Variants in PIAS4 observed in about 807,000 individuals in gnomAD.
The protein encoded by PIAS4 is E3 SUMO-protein ligase PIAS4.
Under a neutral mutation model 58.0 loss-of-function variants are expected in PIAS4, and 7 were observed. That is an observed-to-expected ratio of 0.12 (90% confidence interval 0.07 to 0.23). PIAS4 has a LOEUF of 0.23. Ranked by LOEUF, PIAS4 falls within the 10% of genes least tolerant of loss-of-function variation. The pLI is 1.00. For missense variants in PIAS4, 550 were observed against 709.5 expected (o/e 0.78, Z 2.55); for synonymous variants, 364 against 312.4 (o/e 1.17, Z -1.74).
At chr19:4,033,683 G>C (rs1445216838) in intron 9 of PIAS4, 103 bp downstream of exon 9, 1 of 942,868 alleles carries the variant, frequency 1.1e-6, no homozygotes, top group African/African-American at 1.6e-5. Flanking sequence ...GCAAGACACA[G>C]CAGTGGGGGC....
intron 2 of PIAS4, among the ~76,000 whole-genome samples, chr19:4,022,385 T>A (rs1253278773): frequency 6.6e-6 from 1 of 152,154 alleles, no homozygotes; most frequent in African/African-American, 2.4e-5. Flanking sequence ...AGTCTCGCTC[T>A]GTAGCCCAGG....
chr19:4,012,135 G>C (rs1217621557), intron 1 of PIAS4, among the ~76,000 whole-genome samples: 1 of 151,790 alleles, frequency 6.6e-6, no homozygotes, highest in African/African-American at 2.4e-5. Context: ...GATGGCCCCA[G>C]TGTCCACAGG....
Position 4,033,565 on chromosome 19 carries a change from A to C in PIAS4, c.1127A>C (p.Gln376Pro). The change falls in exon 9 of 11, where the codon CAG becomes CCG. Residue 376 changes from glutamine to proline, a missense_variant. Coordinates refer to ENST00000262971, the MANE Select transcript of PIAS4 (RefSeq NM_015897.4). Reference protein sequence around the residue: ...PVCDKPAPYDQLIIDGLLSKI... With the variant: ...PVCDKPAPYDPLIIDGLLSKI... ...TGCGACAAGCCAGCCCCCTACGACC[A>C]GCTCATCATCGACGGGTGAGCCCGG... is the stretch of plus-strand genomic sequence containing the variant. The C allele has an allele frequency of 6.2e-7, 1 of 1,607,618 alleles. No homozygotes were observed.
rs117702631 is a variant in PIAS4, at chr19:4,011,060, C to T, written c.28-1863C>T. ...TGAAATGTGCGGCTAGGCTCCTGGT[C>T]TCACCCTGGGGCAGCCAGGAGCCGG... On this transcript the variant is annotated intron_variant, in intron 1 of 10. Coordinates refer to ENST00000262971, the MANE Select transcript of PIAS4 (RefSeq NM_015897.4). Among the ~76,000 whole-genome samples the T allele has an allele frequency of 5.9e-5, 9 of 152,358 alleles. No homozygotes were observed. In the East Asian group the frequency reaches 1.7e-3, roughly 29 times the overall value.
intron 2 of PIAS4, among the ~76,000 whole-genome samples, chr19:4,020,370 T>C (rs75561310): frequency 0.015 from 2,214 of 152,224 alleles, 54 homozygotes; most frequent in African/African-American, 0.051. Flanking sequence ...AGACATAGCC[T>C]GCGAAGCTGA....
At chr19:4,012,778 A>T in intron 1 of PIAS4, 145 bp from the exon 2 acceptor site, 1 of 842,746 alleles carries the variant, frequency 1.2e-6, no homozygotes, top group Non-Finnish European at 1.9e-6. Context: ...CCGTAGGGGC[A>T]GGGCACTCCA....
intron 7 of PIAS4, among the ~76,000 whole-genome samples, chr19:4,029,573 G>A (rs1012933082): frequency 2.0e-5 from 3 of 151,476 alleles, no homozygotes; most frequent in Admixed American, 2.0e-4. Flanking sequence ...TTTTTAGAGA[G>A]TCAGGGTCTC....
chr19:4,034,977 A>G (rs2040259961), intron 9 of PIAS4, among the ~76,000 whole-genome samples: 1 of 152,170 alleles, frequency 6.6e-6, no homozygotes, highest in Non-Finnish European at 1.5e-5. Context: ...AGAGGAGCAG[A>G]GCCAGACATA....
intron 1 of PIAS4, among the ~76,000 whole-genome samples, chr19:4,010,815 C>T (rs1259072650): frequency 2.0e-5 from 3 of 152,198 alleles, no homozygotes; most frequent in Admixed American, 6.5e-5. Flanking sequence ...GCTGGCATCC[C>T]GATTCTTTAC....
intron 3 of PIAS4, among the ~76,000 whole-genome samples, chr19:4,024,922 C>T (rs372761189): frequency 1.1e-4 from 16 of 152,306 alleles, no homozygotes; most frequent in Admixed American, 6.5e-4. Context: ...CTCACTACCA[C>T]GCCCGGCTAA....
chr19:4,032,667 C>A (rs892848465), intron 7 of PIAS4, among the ~76,000 whole-genome samples: 1 of 152,210 alleles, frequency 6.6e-6, no homozygotes, highest in African/African-American at 2.4e-5. Context: ...CTTGCTGGCT[C>A]ACAGCCAGGA....
In PIAS4 at chr19:4,032,818, T is replaced by C. The variant is rs181410834; in HGVS notation, c.908-282T>C. On this transcript the variant is annotated intron_variant, in intron 7 of 10. Coordinates refer to ENST00000262971, the MANE Select transcript of PIAS4 (RefSeq NM_015897.4). ...CATGAAACTTGCCAGAAAAGTCCCA[T>C]GGGTCATAGTCCACGCAGGGTGGGG... 3.8e-4 allele frequency among the ~76,000 whole-genome samples: 58 copies of C among 152,276 alleles called. 1 individual carries two copies. The East Asian group carries it at 9.3e-3, about 24-fold the overall frequency.
chr19:4,026,857 A>G (rs945720228), intron 3 of PIAS4, among the ~76,000 whole-genome samples: 3 of 150,060 alleles, frequency 2.0e-5, no homozygotes, highest in African/African-American at 4.9e-5. Context: ...TAATATTTGT[A>G]TTTTTTTTGA....
intron 2 of PIAS4, among the ~76,000 whole-genome samples, chr19:4,014,775 C>G (rs2040034395): frequency 6.6e-6 from 1 of 152,190 alleles, no homozygotes; most frequent in Non-Finnish European, 1.5e-5. Flanking sequence ...CCATTGGGTG[C>G]CAGCTGGCCC....
chr19:4,008,086 A>C (rs966230461), intron 1 of PIAS4, among the ~76,000 whole-genome samples: 1 of 150,888 alleles, frequency 6.6e-6, no homozygotes, highest in South Asian at 2.1e-4. Context: ...GCGCCAGGCC[A>C]GGGCCGCGCC....
intron 2 of PIAS4, among the ~76,000 whole-genome samples, chr19:4,015,829 C>T (rs749989897): frequency 2.6e-5 from 4 of 152,212 alleles, no homozygotes; most frequent in Non-Finnish European, 5.9e-5. Context: ...AGCCGCCGGC[C>T]GGCTCCAGGA....
chr19:4,037,071 A>G lies in PIAS4; in HGVS notation c.1143-303A>G, dbSNP rs1012248274. 5.9e-5 allele frequency among the ~76,000 whole-genome samples: 9 copies of G among 151,486 alleles called. No individual in the cohort carries two copies. The highest frequency in any genetic ancestry group is 2.2e-4 in the African/African-American group (9 of 41,342). On this transcript the variant is annotated intron_variant, in intron 9 of 10. Coordinates refer to ENST00000262971, the MANE Select transcript of PIAS4 (RefSeq NM_015897.4). This position sits in a 1 kb window ranked among gnomAD's most constrained non-coding sequence, Gnocchi z 5.8. ...TGCCCAGAGGGGCAGGGTGGGGAGG[A>G]CCCCTGCAGCTGCCACACTCCCTGC...
chr19:4,007,834 CG>C (rs1489405386), intron 1 of PIAS4, 47 bp downstream of exon 1: 4 of 1,193,384 alleles, frequency 3.4e-6, no homozygotes, highest in Non-Finnish European at 2.1e-6. Context: ...GGCGAGAGGG[CG>C]GGGGCCGGGC....
At chr19:4,020,143 C>T (rs999689137) in intron 2 of PIAS4, among the ~76,000 whole-genome samples, 11 of 152,152 alleles carry the variant, frequency 7.2e-5, no homozygotes, top group Admixed American at 1.3e-4. Flanking sequence ...GTCTCTATCT[C>T]CTGACCTCAT....
Sources: allele counts gnomAD v4.1 joint callset (sites outside exome capture counted in the v4.1 genomes callset), GRCh38; gene constraint gnomAD v4.1.1; non-coding constraint Gnocchi (gnomAD v3.1); transcripts MANE v1.5; gene names NCBI Gene and HGNC (gene_info 2026-07-23, HGNC 2026-07-21).